Variants in SKI observed in about 807,000 individuals in gnomAD.
SKI encodes the protein SKI proto-oncogene.
SKI carries 23 observed loss-of-function variants against 59.3 expected under a neutral mutation model. That is an observed-to-expected ratio of 0.39 (90% CI 0.28 to 0.55). The LOEUF is 0.55. SKI is among the 20% of genes least tolerant of loss of function. The pLI, the probability that SKI is intolerant of heterozygous loss-of-function variation, is 0.67. For synonymous variants in SKI, 673 were observed against 488.6 expected, an observed-to-expected ratio of 1.38 and a Z score of -4.98; for missense variants, 1,017 against 1,038.9, an observed-to-expected ratio of 0.98 and a Z score of 0.29.
At chr1:2,306,299 G>A in intron 6 of SKI, 49 bp downstream of exon 6, 4 of 1,457,024 alleles carry the variant, frequency 2.7e-6, no homozygotes, top group Non-Finnish European at 2.8e-6. Flanking sequence ...GCGTGGAGCC[G>A]CCGTGGGCCC....
rs758406279 is a variant in SKI at position 2,229,612 on chromosome 1, G to A, written c.846G>A (p.Arg282=). Reference sequence around the variant, plus strand: ...GGGGCTTCGACTCGGCCAACTGGCGGGCCTACATCCTGCTGAGCCAGGATT... The same window carrying A: ...GGGGCTTCGACTCGGCCAACTGGCGAGCCTACATCCTGCTGAGCCAGGATT... ...CHWGFDSANW[R]AYILLSQDYT... The change falls in exon 1 of 7, where the codon CGG becomes CGA. Residue 282 remains arginine (R), a synonymous_variant. Coordinates refer to ENST00000378536, the MANE Select transcript of SKI (RefSeq NM_003036.4). The surrounding 1 kb of genome is among the most constrained non-coding windows in gnomAD (Gnocchi z 6.3). 2.5e-6 allele frequency: 4 copies of A among 1,612,610 alleles called. No individual in the cohort carries two copies. The Admixed American group carries it at 5.0e-5, about 20-fold the overall frequency.
chr1:2,305,977 G>A, intron 5 of SKI, 43 bp from the exon 6 acceptor site: 2 of 1,438,966 alleles, frequency 1.4e-6, no homozygotes, highest in South Asian at 1.2e-5. Flanking sequence ...GGGGTGTGCT[G>A]GGACCGGCTG....
intron 1 of SKI, among the ~76,000 whole-genome samples, chr1:2,234,430 G>A (rs996757803): frequency 9.9e-5 from 15 of 152,190 alleles, no homozygotes; most frequent in African/African-American, 2.7e-4. Context: ...TTTCTCAGCC[G>A]TCCCTGCGGC....
Position 2,303,489 on chromosome 1 carries a change from T to C in SKI, c.1211+89T>C. On this transcript the variant is annotated intron_variant, in intron 3 of 6. Transcript: ENST00000378536. The surrounding 1 kb of genome is among the most constrained non-coding windows in gnomAD (Gnocchi z 5.6). ...CGGACGCGCCCATGTTTCTGCAGGCTGGGTGCCCAGACCTGCCGCCTTTTG... is the reference window on the plus strand; with the variant it reads ...CGGACGCGCCCATGTTTCTGCAGGCCGGGTGCCCAGACCTGCCGCCTTTTG... 1 of 1,241,082 alleles carries C rather than the reference T, an allele frequency of 8.1e-7. No individual in the cohort carries two copies. The highest frequency in any genetic ancestry group is 2.3e-5 in the East Asian group (1 of 42,798). The allele number at this position is 1,241,082 out of a possible 1,614,324, so 76.9% of individuals were successfully genotyped here. A position where few individuals can be genotyped will look rare whatever the true frequency, so the allele number is the denominator to read the frequency against.
chr1:2,248,712 T>A (rs960294916), intron 1 of SKI, among the ~76,000 whole-genome samples: 33 of 152,228 alleles, frequency 2.2e-4, no homozygotes, highest in Non-Finnish European at 4.1e-4. Flanking sequence ...GGTTTGCTGT[T>A]TAACTCACTG....
chr1:2,249,970 T>C (rs1639092491), intron 1 of SKI, among the ~76,000 whole-genome samples: 2 of 152,242 alleles, frequency 1.3e-5, no homozygotes, highest in South Asian at 4.1e-4. Flanking sequence ...AGTGGTGTGA[T>C]CTTGGCTCAC....
At position 2,306,606 on chromosome 1, in the gene SKI, C is replaced by T. The variant is rs1203179478; in HGVS notation, c.2028C>T (p.His676=). The T allele has an allele frequency of 4.5e-6, 7 of 1,543,972 alleles. No homozygotes were observed. The highest frequency in any genetic ancestry group is 1.9e-4 in the Middle Eastern group (1 of 5,258). Residue 676 remains histidine, a synonymous_variant, in exon 7 of 7, where the codon CAC becomes CAT. Transcript: ENST00000378536. ...AAGACCTGCAGGTGAAGCTGCAGCA[C>T]GCGGAGGCGGACCGGGAGCAGCTGC... The part of the protein sequence containing the change: ...QIEDLQVKLQ[H]AEADREQLRA...
chr1:2,292,915 C>A (rs1199232056), intron 1 of SKI, among the ~76,000 whole-genome samples: 6 of 152,226 alleles, frequency 3.9e-5, no homozygotes, highest in African/African-American at 1.4e-4. Context: ...CTCAGTGGCA[C>A]CCTCTCCCAG....
chr1:2,229,096 C>T lies in SKI; in HGVS notation c.330C>T (p.Ile110=), dbSNP rs764373577. The part of the protein sequence containing the change: ...RCETVLEGET[I]SCFVVGGEKR... ...AGACCGTACTGGAAGGCGAGACCAT[C>T]TCGTGCTTCGTGGTGGGAGGCGAGA... The change falls in exon 1 of 7, where the codon ATC becomes ATT. Residue 110 remains isoleucine, a synonymous_variant. Coordinates refer to ENST00000378536, the MANE Select transcript of SKI (RefSeq NM_003036.4). This position sits in a 1 kb window ranked among gnomAD's most constrained non-coding sequence, Gnocchi z 6.3. 16 of 1,609,674 alleles carry T rather than the reference C, an allele frequency of 9.9e-6. No homozygotes were observed. The highest frequency in any genetic ancestry group is 5.0e-5 in the Admixed American group (3 of 60,006).
intron 1 of SKI, among the ~76,000 whole-genome samples, chr1:2,246,328 TCCTCTTTGAGGAATGTCTGAGTC>T (rs1372813081): frequency 6.6e-6 from 1 of 152,220 alleles, no homozygotes; most frequent in Non-Finnish European, 1.5e-5. Flanking sequence ...CACTCCTATA[TCCTCTTTGAGGAATGTCTGAGTC>T]CCTCTTTGAG....
intron 1 of SKI, among the ~76,000 whole-genome samples, chr1:2,299,277 G>A (rs1252622364): frequency 2.0e-5 from 3 of 152,344 alleles, no homozygotes; most frequent in Admixed American, 6.5e-5. Context: ...ACGGGCAGGC[G>A]GGGCAGCAGC....
chr1:2,278,896 C>G (rs771941341), intron 1 of SKI, among the ~76,000 whole-genome samples: 1 of 152,184 alleles, frequency 6.6e-6, no homozygotes, highest in Non-Finnish European at 1.5e-5. Context: ...GGTTAGGGCC[C>G]GAGTGCTTGC....
chr1:2,307,038 C>T lies in SKI; in HGVS notation c.*273C>T, dbSNP rs1442698526. 1 of 269,994 alleles carries T rather than the reference C, an allele frequency of 3.7e-6. No individual in the cohort carries two copies. Among genetic ancestry groups the T allele is most frequent in the Admixed American group, 5.5e-5 (1 of 18,098 alleles). 16.7% of individuals were successfully genotyped at this position (269,994 alleles called of 1,614,324 possible). On this transcript the variant is annotated 3_prime_UTR_variant, in exon 7 of 7. Transcript: ENST00000378536. ...CTGGTCCTCTGCTTGCTGGAACATT[C>T]TAACATTTACACTTTTGTTATAAGC... is the stretch of plus-strand genomic sequence containing the variant.
In SKI at chr1:2,251,174, G is replaced by A. The variant is rs143514197; in HGVS notation, c.969+21439G>A. Among the ~76,000 whole-genome samples the A allele has an allele frequency of 4.6e-3, 699 of 152,154 alleles. 3 individuals are homozygous for A. Among genetic ancestry groups the A allele is most frequent in the South Asian group, 0.021 (103 of 4,824 alleles). On this transcript the variant is annotated intron_variant, in intron 1 of 6. Transcript: ENST00000378536. ...GCCTGCCTTCTTGCCGTGTAGTAGC[G>A]CTGCGGACCGTGTTCGGAAAGAGTC...
At chr1:2,247,402 C>T (rs1213834274) in intron 1 of SKI, among the ~76,000 whole-genome samples, 1 of 152,136 alleles carries the variant, frequency 6.6e-6, no homozygotes, top group Non-Finnish European at 1.5e-5. Context: ...GCTTCTCCCT[C>T]CTTTCTTCTG....
intron 1 of SKI, among the ~76,000 whole-genome samples, chr1:2,292,510 T>C (rs1640183138): frequency 6.6e-6 from 1 of 152,092 alleles, no homozygotes; most frequent in African/African-American, 2.4e-5. Flanking sequence ...CCTCGAGAGC[T>C]CCTCCTTCCT....
chr1:2,266,799 A>G (rs1639509786), intron 1 of SKI, among the ~76,000 whole-genome samples: 1 of 152,178 alleles, frequency 6.6e-6, no homozygotes, highest in Non-Finnish European at 1.5e-5. Flanking sequence ...CAGCGGCCGG[A>G]TATCTGTAGC....
Position 2,304,048 on chromosome 1 carries a change from C to G in SKI, c.1420C>G (p.Pro474Ala), listed in dbSNP as rs1057518494. 6.2e-7 allele frequency: 1 copy of G among 1,612,452 alleles called. No individual in the cohort carries two copies. The highest frequency in any genetic ancestry group is 8.5e-7 in the Non-Finnish European group (1 of 1,179,912). The stretch of plus-strand genomic sequence containing the variant: ...AGAGACGCTGGCGCCCGTGGCTGCC[C>G]CAGAGGAGGACAAGGACTCGGAGGC... Reference protein sequence around the residue: ...APETLAPVAAPEEDKDSEAEV... With the variant: ...APETLAPVAAAEEDKDSEAEV... Residue 474 changes from proline to alanine, a missense_variant, in exon 4 of 7, where the codon CCA becomes GCA. Coordinates refer to ENST00000378536, the MANE Select transcript of SKI (RefSeq NM_003036.4).
chr1:2,230,985 T>G (rs892971425), intron 1 of SKI, among the ~76,000 whole-genome samples: 10 of 151,964 alleles, frequency 6.6e-5, no homozygotes, highest in African/African-American at 1.5e-4. Flanking sequence ...ATGTGTGTGT[T>G]TGTGTGTGCG....
Sources: gnomAD v4.1 joint callset for allele counts (sites outside exome capture counted in the v4.1 genomes callset) on GRCh38, gnomAD v4.1.1 for gene constraint, Gnocchi (gnomAD v3.1) non-coding constraint, MANE v1.5 for transcripts, NCBI Gene and HGNC (gene_info 2026-07-23, HGNC 2026-07-21) for gene names.